The following HERC5 variants were observed in gnomAD, a reference collection of about 807,000 sequenced individuals.
HERC5 encodes HECT and RLD domain containing E3 ubiquitin protein ligase 5.
HERC5 carries 99 observed loss-of-function variants against 119.6 expected under a neutral mutation model. The observed-to-expected ratio is 0.83, with a 90% CI of 0.70 to 0.98. HERC5 has a LOEUF of 0.98. Among genes scored for constraint, HERC5 ranks in the 50% least tolerant of loss-of-function variants. The probability of loss-of-function intolerance (pLI) is 0.00; values close to 1 mark genes in which losing one functional copy is unlikely to be tolerated. For synonymous variants in HERC5, 478 were observed against 445.9 expected, an observed-to-expected ratio of 1.07 and a Z score of -0.91; for missense variants, 1,267 against 1,241.3, an observed-to-expected ratio of 1.02 and a Z score of -0.31.
At chr4:88,470,464 G>A (rs1740829049) in intron 9 of HERC5, 150 bp from the exon 10 acceptor site, 1 of 501,554 alleles carries the variant, frequency 2.0e-6, no homozygotes, top group Non-Finnish European at 3.7e-6. Flanking sequence ...GCCAAGCCAA[G>A]GTAATATGCA....
In HERC5 at chr4:88,457,420, G is replaced by C; in HGVS notation, c.151G>C (p.Glu51Gln). 1.5e-6 allele frequency: 2 copies of C among 1,374,036 alleles called. No individual in the cohort carries two copies. Among genetic ancestry groups the C allele is most frequent in the Non-Finnish European group, 1.9e-6 (2 of 1,067,080 alleles). 85.1% of individuals were successfully genotyped at this position (1,374,036 alleles called of 1,614,324 possible). A position where few individuals can be genotyped will look rare whatever the true frequency, so the allele number is the denominator to read the frequency against. Residue 51 changes from glutamate to glutamine, a missense_variant, in exon 1 of 23, where the codon GAG becomes CAG. Transcript: ENST00000264350. The stretch of plus-strand genomic sequence containing the variant: ...CCACCGCGCGCTGCTCCGGAGGGTG[G>C]AGGTGACGCGCCAACTCTGCTGCTC... ...GLHRALLRRV[E>Q]VTRQLCCSPG...
intron 13 of HERC5, among the ~76,000 whole-genome samples, chr4:88,482,626 C>T (rs1159135671): frequency 6.6e-6 from 1 of 152,178 alleles, no homozygotes; most frequent in African/African-American, 2.4e-5. Flanking sequence ...ATATGCAGCC[C>T]AATCTAGAAG....
intron 13 of HERC5, among the ~76,000 whole-genome samples, chr4:88,485,570 A>G (rs1037742091): frequency 1.3e-5 from 2 of 152,366 alleles, no homozygotes; most frequent in African/African-American, 2.4e-5. Flanking sequence ...ACGCCCATCC[A>G]AGTCAAATAC....
chr4:88,459,562 T>C (rs547498772), intron 2 of HERC5, 92 bp downstream of exon 2: 11 of 778,010 alleles, frequency 1.4e-5, no homozygotes, highest in African/African-American at 8.9e-5. Context: ...TCCCCTGCTT[T>C]ATATAGTAGC....
chr4:88,477,771 A>G (rs1190771129), intron 12 of HERC5, among the ~76,000 whole-genome samples: 3 of 152,210 alleles, frequency 2.0e-5, no homozygotes, highest in Admixed American at 6.5e-5. Context: ...TTTGACATAC[A>G]TAGCATATTC....
chr4:88,499,992 T>G lies in HERC5; in HGVS notation c.2511T>G (p.Asn837Lys). Residue 837 changes from asparagine to lysine, a missense_variant and splice_region_variant, in exon 19 of 23, where the codon AAT (asparagine) becomes AAG (lysine). Physicochemically the swap from Asn to Lys is moderately conservative, Grantham distance 94. Around this residue, in one of 3 missense-constraint regions of HERC5, gnomAD observed 473 missense variants for 445.7 expected, o/e 1.06. Transcript: ENST00000264350. ...AGGAAGTATTTTACATCCATTTTAA[T>G]GTGAGTAACAATAAAAGCAGATAAC... ...NFEEVFYIHF[N>K]VHWDRNDTNL... The G allele has an allele frequency of 1.3e-6, 2 of 1,578,180 alleles. No homozygotes were observed. The highest frequency in any genetic ancestry group is 1.7e-6 in the Non-Finnish European group (2 of 1,147,626).
chr4:88,463,953 T>G lies in HERC5; in HGVS notation c.879T>G (p.Val293=). Residue 293 remains valine (V), a synonymous_variant, in exon 6 of 23, where the codon GTT becomes GTG. Coordinates refer to ENST00000264350, the MANE Select transcript of HERC5 (RefSeq NM_016323.4). ...ELRPCLVAEL[V]GYRVTQIACG... The stretch of plus-strand genomic sequence containing the variant: ...GACCCTGTTTGGTGGCTGAGCTTGT[T>G]GGGTATAGAGTGACTCAGATAGCAT... The G allele has an allele frequency of 6.2e-7, 1 of 1,614,028 alleles. No homozygotes were observed. Among genetic ancestry groups the G allele is most frequent in the East Asian group, 2.2e-5 (1 of 44,882 alleles).
intron 13 of HERC5, among the ~76,000 whole-genome samples, chr4:88,485,322 G>T (rs1408427271): frequency 6.6e-6 from 1 of 152,168 alleles, no homozygotes; most frequent in Non-Finnish European, 1.5e-5. Context: ...CACTTTCTCT[G>T]TGACTCTGGA....
At position 88,475,959 on chromosome 4, in the gene HERC5, A is replaced by G; in HGVS notation, c.1511A>G (p.Asn504Ser). The G allele has an allele frequency of 6.2e-7, 1 of 1,613,916 alleles. No homozygotes were observed. The highest frequency in any genetic ancestry group is 8.5e-7 in the Non-Finnish European group (1 of 1,179,924). Reference sequence around the variant, plus strand: ...TGTCCTATGATGCATATTTCCAACAACTGGGAGAGCCTTGTGGTTCCATTT... The same window carrying G: ...TGTCCTATGATGCATATTTCCAACAGCTGGGAGAGCCTTGTGGTTCCATTT... ...PECPMMHISN[N>S]WESLVVPFAK... The change falls in exon 12 of 23, where the codon AAC becomes AGC. Residue 504 changes from asparagine to serine, a missense_variant. Physicochemically the swap from Asn to Ser is conservative, Grantham distance 46. This residue lies in a region of HERC5 where 777 missense variants were observed against 758.0 expected (regional missense o/e 1.03). Transcript: ENST00000264350.
At chr4:88,492,607 G>A (rs1280171942) in intron 16 of HERC5, among the ~76,000 whole-genome samples, 4 of 151,750 alleles carry the variant, frequency 2.6e-5, no homozygotes, top group African/African-American at 9.7e-5. Context: ...TTAGCCAGGC[G>A]TGGTGGTGCA....
At position 88,469,188 on chromosome 4, in the gene HERC5, C is replaced by G; in HGVS notation, c.1166C>G (p.Pro389Arg). The change falls in exon 9 of 23, where the codon CCT becomes CGT. Residue 389 changes from proline to arginine, a missense_variant. This residue lies in a region of HERC5 where 777 missense variants were observed against 758.0 expected (regional missense o/e 1.03). Transcript: ENST00000264350. ...TATGTTAATCTGAAGAGGACAATTC[C>G]TACTCTGAATGAAGGGACTGTAAAG... Reference protein sequence around the residue: ...NSYVNLKRTIPTLNEGTVKRW... With the variant: ...NSYVNLKRTIRTLNEGTVKRW... 9 of 1,612,216 alleles carry G rather than the reference C, an allele frequency of 5.6e-6. No individual in the cohort carries two copies. The highest frequency in any genetic ancestry group is 7.6e-6 in the Non-Finnish European group (9 of 1,178,526).
At position 88,470,675 on chromosome 4, in the gene HERC5, T is replaced by C; in HGVS notation, c.1298+2T>C. On this transcript the variant is annotated splice_donor_variant, in intron 10 of 22. Transcript: ENST00000264350. LOFTEE classifies it high-confidence loss of function. ...AACTGGAAGTTTTTTAAGGAAAAGGTAATATATGTAATAAATTAATTGTAT... is the reference window on the plus strand; with the variant it reads ...AACTGGAAGTTTTTTAAGGAAAAGGCAATATATGTAATAAATTAATTGTAT... 1.6e-6 allele frequency: 2 copies of C among 1,245,700 alleles called. No homozygotes were observed. Among genetic ancestry groups the C allele is most frequent in the Non-Finnish European group, 2.3e-6 (2 of 855,550 alleles). 77.2% of individuals were successfully genotyped at this position (1,245,700 alleles called of 1,614,324 possible).
In HERC5 at chr4:88,493,079, T is replaced by A; in HGVS notation, c.2201T>A (p.Phe734Tyr). The change falls in exon 17 of 23, where the codon TTT (phenylalanine) becomes TAT (tyrosine). Residue 734 changes from phenylalanine (F) to tyrosine (Y), a missense_variant. By Grantham distance (22) the Phe-to-Tyr change is conservative. This residue lies in a region of HERC5 where 473 missense variants were observed against 445.7 expected (regional missense o/e 1.06). Transcript: ENST00000264350. ...GVKKEFFYCL[F>Y]AEMIQPEYGM... Reference sequence around the variant, plus strand: ...AAGAAAGAGTTCTTCTACTGTCTGTTTGCAGAGATGATCCAGCCGGAATAT... The same window carrying A: ...AAGAAAGAGTTCTTCTACTGTCTGTATGCAGAGATGATCCAGCCGGAATAT... 1 of 1,614,098 alleles carries A rather than the reference T, an allele frequency of 6.2e-7. No homozygotes were observed. The highest frequency in any genetic ancestry group is 8.5e-7 in the Non-Finnish European group (1 of 1,179,982).
At chr4:88,501,288 A>G (rs755205666) in intron 20 of HERC5, among the ~76,000 whole-genome samples, 1 of 151,900 alleles carries the variant, frequency 6.6e-6, no homozygotes, top group Admixed American at 6.6e-5. Flanking sequence ...CACATTACCT[A>G]CCTTTAGGGT....
In HERC5 at chr4:88,505,751, G is replaced by A. The variant is rs752346083; in HGVS notation, c.2948G>A (p.Trp983Ter). Reference protein sequence around the residue: ...MKITFCCPESWNERDPIRALT... With the variant: ...MKITFCCPES ...ATAACATTTTGCTGTCCTGAAAGTT[G>A]GAATGAAAGAGACCCTATAAGAGCA... Residue 983 changes from tryptophan to a stop codon, truncating the protein, a stop_gained, in exon 23 of 23, where the codon TGG (tryptophan) becomes TAG (stop). Transcript: ENST00000264350. LOFTEE classifies it low-confidence loss of function (END_TRUNC). 6.2e-7 allele frequency: 1 copy of A among 1,606,078 alleles called. No homozygotes were observed.
At chr4:88,465,283 T>TA (rs1740621140) in intron 6 of HERC5, among the ~76,000 whole-genome samples, 1 of 152,310 alleles carries the variant, frequency 6.6e-6, no homozygotes, top group South Asian at 2.1e-4. Flanking sequence ...TTGGTAGGAT[T>TA]AAAAAATATT....
intron 6 of HERC5, 61 bp from the exon 7 acceptor site, chr4:88,466,998 G>T (rs779445657): frequency 2.8e-5 from 44 of 1,554,470 alleles, no homozygotes; most frequent in Non-Finnish European, 3.5e-5. Context: ...TTACTGTATT[G>T]CTAAACACTC....
chr4:88,472,995 T>A (rs1024339463), intron 11 of HERC5: 2 of 152,022 alleles, frequency 1.3e-5, no homozygotes, highest in African/African-American at 4.8e-5. Context: ...GATGATTGTT[T>A]CCTGTTTCAG....
At chr4:88,497,901 A>G (rs1442895576) in intron 18 of HERC5, among the ~76,000 whole-genome samples, 3 of 152,170 alleles carry the variant, frequency 2.0e-5, no homozygotes, top group African/African-American at 7.2e-5. Context: ...GGCCTGGAGG[A>G]CAGAACTATG....
Sources: allele counts gnomAD v4.1 joint callset (sites outside exome capture counted in the v4.1 genomes callset), GRCh38; gene constraint gnomAD v4.1.1; regional missense constraint gnomAD v4.1.1; transcripts MANE v1.5; gene names NCBI Gene and HGNC (gene_info 2026-07-23, HGNC 2026-07-21).